Variants in ITGAD observed in about 807,000 individuals in gnomAD.
ITGAD encodes the protein integrin alpha-D.
In ITGAD, 105 loss-of-function variants were observed where a neutral mutation model predicts 139.0. The observed-to-expected ratio is 0.76, with a 90% CI of 0.65 to 0.89. The LOEUF is 0.89. ITGAD is among the 40% of genes least tolerant of loss of function. The pLI is 0.00. For missense variants in ITGAD, 1,384 were observed against 1,487.3 expected, an observed-to-expected ratio of 0.93 and a Z score of 1.14; for synonymous variants, 569 against 598.3, an observed-to-expected ratio of 0.95 and a Z score of 0.71.
chr16:31,397,506 C>A (rs2081295506), intron 3 of ITGAD, 44 bp downstream of exon 3: 1 of 1,579,836 alleles, frequency 6.3e-7, no homozygotes, highest in Non-Finnish European at 8.6e-7. Context: ...CCTCCTGGAC[C>A]CAACTGTGCC....
At chr16:31,425,690 T>G (rs78166333) in intron 29 of ITGAD, among the ~76,000 whole-genome samples, 5 of 127,262 alleles carry the variant, frequency 3.9e-5, no homozygotes, top group African/African-American at 1.9e-4. Flanking sequence ...CTTCTTCTTC[T>G]TTTTTTTTTT....
rs1233141777 is a variant in ITGAD at position 31,402,106 on chromosome 16, C to G, written c.428-9C>G. 1 of 1,612,266 alleles carries G rather than the reference C, an allele frequency of 6.2e-7. No individual in the cohort carries two copies. The highest frequency in any genetic ancestry group is 8.5e-7 in the Non-Finnish European group (1 of 1,178,712). On this transcript the variant is annotated splice_polypyrimidine_tract_variant and intron_variant, in intron 5 of 29. Coordinates refer to ENST00000389202, the MANE Select transcript of ITGAD (RefSeq NM_005353.3). ...AGTGCATCTCCGATTCCTCCCCATT[C>G]CCCCACAGAGTGTCCACATCAAGAG...
intron 7 of ITGAD, among the ~76,000 whole-genome samples, chr16:31,404,941 G>T (rs891221608): frequency 6.7e-6 from 1 of 148,466 alleles, no homozygotes; most frequent in Non-Finnish European, 1.5e-5. Context: ...TTGCTCTGTT[G>T]CTCAGGCTGG....
chr16:31,406,312 A>T (rs2081539137), intron 7 of ITGAD, among the ~76,000 whole-genome samples: 1 of 152,056 alleles, frequency 6.6e-6, no homozygotes, highest in East Asian at 1.9e-4. Flanking sequence ...TGACCTCGTG[A>T]TCCTCCCACT....
chr16:31,398,444 C>A lies in ITGAD; in HGVS notation c.427+535C>A, dbSNP rs1265539284. Among the ~76,000 whole-genome samples the A allele has an allele frequency of 4.5e-3, 630 of 141,248 alleles. 3 individuals are homozygous for A. The highest frequency in any genetic ancestry group is 5.4e-3 in the Non-Finnish European group (350 of 64,550). 92.7% of individuals were successfully genotyped at this position (141,248 alleles called of 152,430 possible). A position where few individuals can be genotyped will look rare whatever the true frequency, so the allele number is the denominator to read the frequency against. Reference sequence around the variant, plus strand: ...CTCCATCTCAAAAAAAAAAAAAAAACAAAAAACAGAGTTTCTGTCAGGCTG... The same window carrying A: ...CTCCATCTCAAAAAAAAAAAAAAAAAAAAAAACAGAGTTTCTGTCAGGCTG... On this transcript the variant is annotated intron_variant, in intron 5 of 29. Coordinates refer to ENST00000389202, the MANE Select transcript of ITGAD (RefSeq NM_005353.3).
chr16:31,406,607 C>T (rs115866739), intron 7 of ITGAD, among the ~76,000 whole-genome samples: 2,055 of 152,220 alleles, frequency 0.014, 55 homozygotes, highest in African/African-American at 0.047. Context: ...TTGGTGGGGA[C>T]GGCTGAGCCT....
intron 16 of ITGAD, among the ~76,000 whole-genome samples, chr16:31,414,089 C>T (rs1382056046): frequency 6.6e-6 from 1 of 152,128 alleles, no homozygotes; most frequent in African/African-American, 2.4e-5. Flanking sequence ...AATCTAATCA[C>T]CTATCTAATC....
Position 31,403,664 on chromosome 16 carries a change from A to G in ITGAD, c.704+19A>G. On this transcript the variant is annotated intron_variant, in intron 7 of 29. Transcript: ENST00000389202. The surrounding 1 kb of genome is among the most constrained non-coding windows in gnomAD (Gnocchi z 4.4). Reference sequence around the variant, plus strand: ...CAGTGGTGTAAGCAACCCCGACCCCAGCCTGGCGATGTGACTGCCACCCCC... The same window carrying G: ...CAGTGGTGTAAGCAACCCCGACCCCGGCCTGGCGATGTGACTGCCACCCCC... 2 of 1,613,830 alleles carry G rather than the reference A, an allele frequency of 1.2e-6. No individual in the cohort carries two copies. The highest frequency in any genetic ancestry group is 1.7e-6 in the Non-Finnish European group (2 of 1,179,846).
Position 31,423,907 on chromosome 16 carries a change from G to A in ITGAD, c.3108G>A (p.Glu1036=), listed in dbSNP as rs780018239. 6.8e-6 allele frequency: 11 copies of A among 1,614,098 alleles called. No individual in the cohort carries two copies. In the South Asian group the frequency reaches 9.9e-5, roughly 14 times the overall value. The change falls in exon 27 of 30, where the codon GAG becomes GAA. Residue 1036 remains glutamate (E), a synonymous_variant. Coordinates refer to ENST00000389202, the MANE Select transcript of ITGAD (RefSeq NM_005353.3). The stretch of plus-strand genomic sequence containing the variant: ...ACGTCCCCTCCTTCAGCGTCCAGGA[G>A]GAGCTGGATTTCACCCTGAAGGGCA... The part of the protein sequence containing the change: ...RCDVPSFSVQ[E]ELDFTLKGNL...
At chr16:31,415,054 AT>A (rs1369545516) in intron 18 of ITGAD, 63 bp downstream of exon 18, 6 of 1,588,032 alleles carry the variant, frequency 3.8e-6, no homozygotes, top group Non-Finnish European at 5.2e-6. Flanking sequence ...GAGCTTAAGA[AT>A]CCACTGTAGC....
intron 10 of ITGAD, 37 bp from the exon 11 acceptor site, chr16:31,410,358 C>T (rs962378680): frequency 6.2e-7 from 1 of 1,613,408 alleles, no homozygotes; most frequent in African/African-American, 1.3e-5. Flanking sequence ...TCTTCCCGCT[C>T]TAGTCTCTGC....
chr16:31,417,581 CT>C (rs2081921765), intron 20 of ITGAD, among the ~76,000 whole-genome samples: 1 of 150,900 alleles, frequency 6.6e-6, no homozygotes, highest in Non-Finnish European at 1.5e-5. Flanking sequence ...ACTTTCTTTA[CT>C]TTTCTTCTGC....
intron 1 of ITGAD, among the ~76,000 whole-genome samples, chr16:31,393,695 G>C (rs1442899275): frequency 6.6e-6 from 1 of 151,982 alleles, no homozygotes; most frequent in Non-Finnish European, 1.5e-5. Flanking sequence ...CCTCCCCCGG[G>C]AGTGGAAGGC....
At chr16:31,404,870 C>T (rs2081499718) in intron 7 of ITGAD, among the ~76,000 whole-genome samples, 1 of 151,182 alleles carries the variant, frequency 6.6e-6, no homozygotes, top group South Asian at 2.1e-4. Flanking sequence ...TTCTCCCTTC[C>T]CTCCCTTCCC....
rs773150733 is a variant in ITGAD, at chr16:31,411,202, C to T, written c.1483C>T (p.Pro495Ser). Residue 495 changes from proline to serine, a missense_variant, in exon 13 of 30, where the codon CCC becomes TCC. By Grantham distance (74) the Pro-to-Ser change is moderately conservative (BLOSUM62 -1). Transcript: ENST00000389202. ...QTRGGQVSVCPLPRGRVQWQC... is the reference protein window; with the variant it reads ...QTRGGQVSVCSLPRGRVQWQC... ...CCGAGGGGGCCAGGTGTCCGTGTGT[C>T]CCTTGCCTAGGGGGGTGAGTGGCTG... 1.9e-6 allele frequency: 3 copies of T among 1,613,458 alleles called. No individual in the cohort carries two copies. Among genetic ancestry groups the T allele is most frequent in the African/African-American group, 1.3e-5 (1 of 74,862 alleles).
At chr16:31,395,362 G>C (rs1268579537) in intron 2 of ITGAD, among the ~76,000 whole-genome samples, 1 of 152,032 alleles carries the variant, frequency 6.6e-6, no homozygotes, top group Non-Finnish European at 1.5e-5. Context: ...TGGGGGTTTG[G>C]AGCCTTAGCT....
intron 29 of ITGAD, among the ~76,000 whole-genome samples, chr16:31,425,366 C>T (rs1003887157): frequency 4.6e-5 from 7 of 152,228 alleles, no homozygotes; most frequent in African/African-American, 7.2e-5. Flanking sequence ...CCACTGTGCC[C>T]GGCCGTTTCT....
Position 31,412,985 on chromosome 16 carries a change from A to T in ITGAD, c.1838+17A>T, listed in dbSNP as rs544339324. ...CCTGCTCAGGTAGCGACTCCCCAAC[A>T]TCCTGCCCTCCCGCGCTGTGTCTGA... On this transcript the variant is annotated intron_variant, in intron 15 of 29. Coordinates refer to ENST00000389202, the MANE Select transcript of ITGAD (RefSeq NM_005353.3). 8.1e-6 allele frequency: 13 copies of T among 1,602,238 alleles called. No individual in the cohort carries two copies. The East Asian group carries it at 2.5e-4, about 30-fold the overall frequency.
intron 29 of ITGAD, 41 bp downstream of exon 29, chr16:31,424,618 TGGAG>T: frequency 5.2e-6 from 7 of 1,339,458 alleles, no homozygotes; most frequent in Non-Finnish European, 7.2e-6. Context: ...TTTTTTGAGA[TGGAG>T]TTTCCACTCT....
Sources: gnomAD v4.1 joint callset for allele counts (sites outside exome capture counted in the v4.1 genomes callset) on GRCh38, gnomAD v4.1.1 for gene constraint, Gnocchi (gnomAD v3.1) non-coding constraint, MANE v1.5 for transcripts, NCBI Gene and HGNC (gene_info 2026-07-23, HGNC 2026-07-21) for gene names.